PAX6: variants seen among roughly 807,000 people sequenced by gnomAD.
PAX6 encodes paired box 6.
Under a neutral mutation model 60.7 loss-of-function variants are expected in PAX6, and 7 were observed. That is an observed-to-expected ratio of 0.12 (90% CI 0.07 to 0.22). The LOEUF is 0.22. Ranked by LOEUF, PAX6 falls within the 10% of genes least tolerant of loss-of-function variation. The probability of loss-of-function intolerance (pLI) is 1.00; values close to 1 mark genes in which losing one functional copy is unlikely to be tolerated. For missense variants in PAX6, 355 were observed against 555.2 expected, an observed-to-expected ratio of 0.64 and a Z score of 3.62; for synonymous variants, 208 against 201.2, an observed-to-expected ratio of 1.03 and a Z score of -0.29.
At chr11:31,800,888 T>C in intron 7 of PAX6, 32 bp from the exon 8 acceptor site, 1 of 1,608,838 alleles carries the variant, frequency 6.2e-7, no homozygotes, top group Non-Finnish European at 8.5e-7. Context: ...AACCAAATGG[T>C]AGTGTCTCCT....
At chr11:31,802,258 T>G (rs1258149122) in intron 5 of PAX6, 1 of 348,934 alleles carries the variant, frequency 2.9e-6, no homozygotes, top group Non-Finnish European at 5.2e-6. Context: ...AAATAGCATT[T>G]GCCTTTTAAA....
chr11:31,811,036 G>T, intron 1 of PAX6, 21 bp from the exon 2 acceptor site: 1 of 399,308 alleles, frequency 2.5e-6, no homozygotes, highest in South Asian at 1.3e-4. Flanking sequence ...GACAGAGATT[G>T]ACAATAAAAT....
rs778947003 is a variant in PAX6 at position 31,802,752 on chromosome 11, C to T, written c.93G>A (p.Glu31=). 3.1e-6 allele frequency: 5 copies of T among 1,613,982 alleles called. No homozygotes were observed. In the South Asian group the frequency reaches 3.3e-5, roughly 11 times the overall value. Residue 31 remains glutamate (E), a synonymous_variant, in exon 5 of 14, where the codon GAG becomes GAA. Coordinates refer to ENST00000640368, the MANE Select transcript of PAX6 (RefSeq NM_001368894.2). ...ACGGCCGGGCCCCGCTGTGAGCTAG[C>T]TCTACAATCTTCTGCCGGGTGGAGT... ...LPDSTRQKIV[E]LAHSGARPCD... is the part of the protein sequence containing the mutation.
Position 31,793,548 on chromosome 11 carries a change from A to G in PAX6, c.964T>C (p.Ser322Pro), listed in dbSNP as rs761616236. The change falls in exon 12 of 14, where the codon TCC becomes CCC. Residue 322 changes from serine to proline, a missense_variant. Physicochemically the swap from Ser to Pro is moderately conservative, Grantham distance 74 (BLOSUM62 -1). Transcript: ENST00000640368. ...CCCAACATGGAGCCAGATGTGAAGG[A>G]GGAAACTGAGGGCAAGAGAAATGAC... ...PIPQPTTPVS[S>P]FTSGSMLGRT... 5.0e-6 allele frequency: 8 copies of G among 1,614,206 alleles called. No homozygotes were observed. The South Asian group carries it at 8.8e-5, about 18-fold the overall frequency.
chr11:31,802,438 ATT>A, intron 5 of PAX6: 3 of 467,320 alleles, frequency 6.4e-6, no homozygotes, highest in Non-Finnish European at 1.1e-5. Context: ...AAAGAGAAAG[ATT>A]TTTTTAAAAA....
chr11:31,817,255 G>A (rs934356091), intron 1 of PAX6, among the ~76,000 whole-genome samples: 4 of 152,278 alleles, frequency 2.6e-5, no homozygotes, highest in Non-Finnish European at 5.9e-5. Context: ...GCATTCTTTC[G>A]TACTCCGCGT....
rs528911371 is a variant in PAX6, at chr11:31,806,277, G to A, written c.10+125C>T. 811 of 1,131,438 alleles carry A rather than the reference G, an allele frequency of 7.2e-4. 1 individual carries two copies. Among genetic ancestry groups the A allele is most frequent in the Admixed American group, 1.3e-3 (48 of 36,378 alleles). 70.1% of individuals were successfully genotyped at this position (1,131,438 alleles called of 1,614,324 possible). A position where few individuals can be genotyped will look rare whatever the true frequency, so the allele number is the denominator to read the frequency against. ...CGCGGAGCGGGGAGCAGCCGCCGCA[G>A]GTCCCCGGGCCTCAGTCGGTCGGCG... is the stretch of plus-strand genomic sequence containing the variant. On this transcript the variant is annotated intron_variant, in intron 4 of 13. Coordinates refer to ENST00000640368, the MANE Select transcript of PAX6 (RefSeq NM_001368894.2).
intron 8 of PAX6, among the ~76,000 whole-genome samples, chr11:31,795,412 A>C (rs1431412294): frequency 6.6e-6 from 1 of 152,266 alleles, no homozygotes; most frequent in Non-Finnish European, 1.5e-5. Flanking sequence ...ACCTATTACG[A>C]GCACAGCTGT....
At chr11:31,796,452 A>G (rs1199076102) in intron 8 of PAX6, among the ~76,000 whole-genome samples, 1 of 128,274 alleles carries the variant, frequency 7.8e-6, no homozygotes, top group Non-Finnish European at 1.6e-5. Context: ...CCTCCGTGCT[A>G]TTTAGGGCGC....
chr11:31,814,799 G>T, upstream of PAX6: 1 of 152,488 alleles, frequency 6.6e-6, no homozygotes. Context: ...CAGCCTCGCC[G>T]AGCCCAGAGC....
chr11:31,807,374 G>C (rs1284400522), intron 2 of PAX6: 1 of 152,324 alleles, frequency 6.6e-6, no homozygotes, highest in Admixed American at 6.6e-5. Flanking sequence ...GAGGGCTGCA[G>C]GGCCACACTC....
rs532006907 is a variant in PAX6, at chr11:31,799,317, C to A, written c.565+1374G>T. Among the ~76,000 whole-genome samples the A allele has an allele frequency of 3.9e-5, 6 of 152,022 alleles. No homozygotes were observed. In the South Asian group the frequency reaches 6.2e-4, roughly 16 times the overall value. ...GCGGGGTCGCCCAGGGGAGCCCGGGCCCCGCGCGTCAGGAGGCCTCCGCCG... is the reference window on the plus strand; with the variant it reads ...GCGGGGTCGCCCAGGGGAGCCCGGGACCCGCGCGTCAGGAGGCCTCCGCCG... On this transcript the variant is annotated intron_variant, in intron 8 of 13. Transcript: ENST00000640368.
chr11:31,802,942 A>AAAGGAGAGGAGGAAGGGGAAGAGGAAG lies in PAX6; in HGVS notation c.11-135_11-109dup, dbSNP rs1954603921. 6 of 1,091,312 alleles carry AAAGGAGAGGAGGAAGGGGAAGAGGAAG rather than the reference A, an allele frequency of 5.5e-6. No homozygotes were observed. In the Admixed American group the frequency reaches 7.9e-5, roughly 14 times the overall value. The allele number at this position is 1,091,312 out of a possible 1,614,324, so 67.6% of individuals were successfully genotyped here. On this transcript the variant is annotated intron_variant, in intron 4 of 13. Transcript: ENST00000640368. ...GGAAGATGAGGGAGAACAAGAACAG[A>AAAGGAGAGGAGGAAGGGGAAGAGGAAG]AAGGAGAGGAGGAAGGGGAAGAGGA...
chr11:31,802,565 T>G (rs1592558268), intron 5 of PAX6, 139 bp downstream of exon 5: 40 of 596,444 alleles, frequency 6.7e-5, no homozygotes, highest in African/African-American at 4.1e-4. Context: ...GGCAGGGGAG[T>G]GGGTGGGGGG....
upstream of PAX6, among the ~76,000 whole-genome samples, chr11:31,815,972 G>C (rs1216795367): frequency 6.6e-6 from 1 of 152,134 alleles, no homozygotes; most frequent in African/African-American, 2.4e-5. Context: ...AGCCCGCGCG[G>C]CCCGATGCCT....
chr11:31,817,724 G>C (rs1164579104), intron 1 of PAX6: 5 of 152,286 alleles, frequency 3.3e-5, no homozygotes, highest in Admixed American at 3.3e-4. Context: ...CTTGGGGCGG[G>C]CTTTGATTTG....
intron 4 of PAX6, chr11:31,805,069 G>A (rs1185688426): frequency 1.3e-5 from 2 of 152,430 alleles, no homozygotes; most frequent in East Asian, 3.9e-4. Context: ...CAACTAATAG[G>A]AAAACATATG....
At chr11:31,803,954 G>GA (rs1954932568) in intron 4 of PAX6, 1 of 152,138 alleles carries the variant, frequency 6.6e-6, no homozygotes, top group African/African-American at 2.4e-5. Context: ...TCTCCAACCT[G>GA]CAGCCCCGAC....
chr11:31,794,909 C>A, intron 8 of PAX6, 121 bp from the exon 9 acceptor site: 1 of 876,172 alleles, frequency 1.1e-6, no homozygotes, highest in East Asian at 2.5e-5. Context: ...CAAAACATTC[C>A]CAAGGTAACT....
Sources: gnomAD v4.1 joint callset for allele counts (sites outside exome capture counted in the v4.1 genomes callset) on GRCh38, gnomAD v4.1.1 for gene constraint, MANE v1.5 for transcripts, NCBI Gene and HGNC (gene_info 2026-07-23, HGNC 2026-07-21) for gene names.